The following NUP85 variants were observed in gnomAD, a reference collection of about 807,000 sequenced individuals.
The protein encoded by NUP85 is nuclear pore complex protein Nup85.
NUP85 carries 23 observed loss-of-function variants against 92.8 expected under a neutral mutation model. That is an observed-to-expected ratio of 0.25 (90% CI 0.18 to 0.35). The LOEUF (loss-of-function observed/expected upper bound fraction) is 0.35. Ranked by LOEUF, NUP85 falls within the 10% of genes least tolerant of loss-of-function variation. The pLI is 1.00. For missense variants in NUP85, 759 were observed against 822.8 expected (o/e 0.92, Z 0.95); for synonymous variants, 314 against 306.9 (o/e 1.02, Z -0.24).
chr17:75,235,209 T>C lies in NUP85; in HGVS notation c.1869+8T>C, dbSNP rs776499632. On this transcript the variant is annotated splice_region_variant and intron_variant, in intron 18 of 18. Coordinates refer to ENST00000245544, the MANE Select transcript of NUP85 (RefSeq NM_024844.5). ...GATACCGAGCAGCTCCAGGTCATTT[T>C]CACTTTTGGGTTGATGGTTCCACAT... 12 of 1,606,670 alleles carry C rather than the reference T, an allele frequency of 7.5e-6. No individual in the cohort carries two copies. The highest frequency in any genetic ancestry group is 1.3e-5 in the African/African-American group (1 of 74,570).
intron 1 of NUP85, among the ~76,000 whole-genome samples, chr17:75,206,899 G>A (rs1244915450): frequency 1.3e-5 from 2 of 152,000 alleles, no homozygotes; most frequent in East Asian, 3.9e-4. Context: ...AGTAGAGACG[G>A]GGTTTCACCG....
chr17:75,226,480 A>G (rs991742402), intron 11 of NUP85, among the ~76,000 whole-genome samples: 9 of 152,128 alleles, frequency 5.9e-5, no homozygotes, highest in Non-Finnish European at 1.3e-4. Flanking sequence ...AACTCCCTTC[A>G]TCAAGTCGCT....
rs189138571 is a variant in NUP85 at position 75,228,984 on chromosome 17, C to T, written c.1095-2356C>T. The T allele has an allele frequency of 2.5e-5, 25 of 985,468 alleles. No individual in the cohort carries two copies. In the East Asian group the frequency reaches 2.4e-3, roughly 94 times the overall value. The allele number at this position is 985,468 out of a possible 1,614,324, so 61.0% of individuals were successfully genotyped here. A position where few individuals can be genotyped will look rare whatever the true frequency, so the allele number is the denominator to read the frequency against. On this transcript the variant is annotated intron_variant, in intron 11 of 18. Transcript: ENST00000245544. ...AGTCCTCCACAGGGTCCCTTCTTCCCTCCTGGCTTACAGCTTCCTCTGAAG... is the reference window on the plus strand; with the variant it reads ...AGTCCTCCACAGGGTCCCTTCTTCCTTCCTGGCTTACAGCTTCCTCTGAAG...
At chr17:75,221,081 C>T (rs2075585498) in intron 7 of NUP85, among the ~76,000 whole-genome samples, 1 of 152,114 alleles carries the variant, frequency 6.6e-6, no homozygotes, top group South Asian at 2.1e-4. Context: ...GACGGGATTT[C>T]ACCATGTTAG....
At chr17:75,234,924 T>G (rs1445096599) in intron 17 of NUP85, 136 bp downstream of exon 17, 1 of 1,187,072 alleles carries the variant, frequency 8.4e-7, no homozygotes, top group Admixed American at 1.7e-5. Flanking sequence ...GCGCCCTCTC[T>G]GGGATTCCAG....
At chr17:75,210,134 A>T in intron 3 of NUP85, 149 bp downstream of exon 3, 1 of 648,084 alleles carries the variant, frequency 1.5e-6, no homozygotes, top group Non-Finnish European at 2.5e-6. Context: ...TGGACAGTGT[A>T]CATTAGCAGT....
chr17:75,211,796 A>G (rs1388120856), intron 3 of NUP85, among the ~76,000 whole-genome samples, 196 bp from the exon 4 acceptor site: 1 of 152,096 alleles, frequency 6.6e-6, no homozygotes, highest in Non-Finnish European at 1.5e-5. Flanking sequence ...TGTGGATATT[A>G]ACTTTAGCCC....
At chr17:75,210,126 G>C in intron 3 of NUP85, 141 bp downstream of exon 3, 1 of 731,330 alleles carries the variant, frequency 1.4e-6, no homozygotes, top group Non-Finnish European at 2.2e-6. Context: ...ATGAGTACTG[G>C]ACAGTGTACA....
At chr17:75,213,908 G>C (rs2145292361) in intron 5 of NUP85, among the ~76,000 whole-genome samples, 1 of 135,760 alleles carries the variant, frequency 7.4e-6, no homozygotes, top group Admixed American at 8.4e-5. Context: ...GTCTCTCTCT[G>C]TCGCCCAGGC....
intron 3 of NUP85, 124 bp from the exon 4 acceptor site, chr17:75,211,868 A>T: frequency 1.4e-6 from 1 of 710,548 alleles, no homozygotes; most frequent in Non-Finnish European, 2.4e-6. Context: ...GAAGGTTAGG[A>T]GCTCCTTCAC....
At chr17:75,211,052 G>A (rs1568067543) in intron 3 of NUP85, among the ~76,000 whole-genome samples, 2 of 144,828 alleles carry the variant, frequency 1.4e-5, no homozygotes, top group Non-Finnish European at 3.0e-5. Flanking sequence ...ACCCAGGCTG[G>A]AGTGCAGTGG....
At chr17:75,225,059 G>A in intron 7 of NUP85, 44 bp from the exon 8 acceptor site, 3 of 1,510,944 alleles carry the variant, frequency 2.0e-6, no homozygotes, top group Non-Finnish European at 2.7e-6. Flanking sequence ...CCTCGGCAGG[G>A]CCAGGCCTCC....
At chr17:75,206,568 G>A (rs1297076745) in intron 1 of NUP85, among the ~76,000 whole-genome samples, 2 of 152,140 alleles carry the variant, frequency 1.3e-5, no homozygotes, top group Non-Finnish European at 2.9e-5. Flanking sequence ...AGGCAGTGAG[G>A]AGGCAAATGA....
chr17:75,222,378 C>A (rs1023734928), intron 7 of NUP85, among the ~76,000 whole-genome samples: 7 of 151,830 alleles, frequency 4.6e-5, no homozygotes, highest in African/African-American at 1.7e-4. Flanking sequence ...TATTCAAGAT[C>A]TAAGTGGAGA....
At position 75,233,407 on chromosome 17, in the gene NUP85, T is replaced by G. The variant is rs367758156; in HGVS notation, c.1615+249T>G. 6.8e-5 allele frequency among the ~76,000 whole-genome samples: 9 copies of G among 132,870 alleles called. 1 individual carries two copies. The South Asian group carries it at 2.0e-3, about 30-fold the overall frequency. The allele number at this position is 132,870 out of a possible 152,430, so 87.2% of individuals were successfully genotyped here. On this transcript the variant is annotated intron_variant, in intron 16 of 18. Coordinates refer to ENST00000245544, the MANE Select transcript of NUP85 (RefSeq NM_024844.5). ...TCTTTCTTTCTCTTTCTCTTTCTCT[T>G]TCTTTCTTTCTTCTTTTCTTTTATT...
At chr17:75,225,289 TAAATATA>T (rs979920237) in intron 8 of NUP85, 46 bp from the exon 9 acceptor site, 2 of 1,610,616 alleles carry the variant, frequency 1.2e-6, no homozygotes, top group Non-Finnish European at 1.7e-6. Context: ...CGTGATTCAC[TAAATATA>T]AAGGGTGTGG....
intron 7 of NUP85, 89 bp from the exon 8 acceptor site, chr17:75,225,014 C>A: frequency 7.1e-7 from 1 of 1,403,084 alleles, no homozygotes; most frequent in Non-Finnish European, 9.5e-7. Flanking sequence ...AGTTAAAAAG[C>A]CAAAGTGTGG....
At chr17:75,215,983 T>G (rs546779669) in intron 6 of NUP85, among the ~76,000 whole-genome samples, 160 bp downstream of exon 6, 1 of 152,312 alleles carries the variant, frequency 6.6e-6, no homozygotes, top group Non-Finnish European at 1.5e-5. Flanking sequence ...CAAAGAAACC[T>G]GACCGTTTTG....
At position 75,231,894 on chromosome 17, in the gene NUP85, G is replaced by T. The variant is rs1486936703; in HGVS notation, c.1311G>T (p.Leu437=). Residue 437 remains leucine (L), a synonymous_variant, in exon 14 of 19, where the codon CTG becomes CTT. Coordinates refer to ENST00000245544, the MANE Select transcript of NUP85 (RefSeq NM_024844.5). The surrounding 1 kb of genome is among the most constrained non-coding windows in gnomAD (Gnocchi z 4.6). ...AGCTGGGCCGAGTCTCCCTGGAGCTGCACATTGAGCGGATACCTCTGAACA... is the reference window on the plus strand; with the variant it reads ...AGCTGGGCCGAGTCTCCCTGGAGCTTCACATTGAGCGGATACCTCTGAACA... ...CPELGRVSLE[L]HIERIPLNTE... The T allele has an allele frequency of 6.2e-7, 1 of 1,614,212 alleles. No homozygotes were observed. Among genetic ancestry groups the T allele is most frequent in the East Asian group, 2.2e-5 (1 of 44,882 alleles).
Sources: gnomAD v4.1 joint callset for allele counts (sites outside exome capture counted in the v4.1 genomes callset) on GRCh38, gnomAD v4.1.1 for gene constraint, Gnocchi (gnomAD v3.1) non-coding constraint, MANE v1.5 for transcripts, NCBI Gene and HGNC (gene_info 2026-07-23, HGNC 2026-07-21) for gene names.